CARD10: variants seen among roughly 807,000 people sequenced by gnomAD.
The protein encoded by CARD10 is caspase recruitment domain family member 10.
In CARD10, 49 loss-of-function variants were observed where a neutral mutation model predicts 114.6. The ratio of observed to expected loss-of-function variants is 0.43; its 90% CI spans 0.34 to 0.54. The LOEUF is 0.54. Ranked by LOEUF, CARD10 falls within the 20% of genes least tolerant of loss-of-function variation. The pLI, the probability that CARD10 is intolerant of heterozygous loss-of-function variation, is 0.03. For missense variants in CARD10, 1,206 were observed against 1,397.2 expected (o/e 0.86, Z 2.18); for synonymous variants, 602 against 593.2 (o/e 1.01, Z -0.21).
chr22:37,492,368 G>T lies in CARD10; in HGVS notation c.2751+67C>A. 3.3e-6 allele frequency: 4 copies of T among 1,227,406 alleles called. No individual in the cohort carries two copies. The highest frequency in any genetic ancestry group is 4.5e-6 in the Non-Finnish European group (4 of 885,874). 76.0% of individuals were successfully genotyped at this position (1,227,406 alleles called of 1,614,324 possible). On this transcript the variant is annotated intron_variant, in intron 18 of 19. Transcript: ENST00000251973. This position sits in a 1 kb window ranked among gnomAD's most constrained non-coding sequence, Gnocchi z 5.7. ...CCCGCGCTCAGACGCTGGCGCTCAAGCCCAGAACAGCAGCACCCGCTCTGG... is the reference window on the plus strand; with the variant it reads ...CCCGCGCTCAGACGCTGGCGCTCAATCCCAGAACAGCAGCACCCGCTCTGG...
At position 37,502,834 on chromosome 22, in the gene CARD10, G is replaced by A. The variant is rs567465072; in HGVS notation, c.1664-109C>T. The A allele has an allele frequency of 4.6e-6, 6 of 1,291,308 alleles. No individual in the cohort carries two copies. The African/African-American group carries it at 8.9e-5, about 19-fold the overall frequency. The allele number at this position is 1,291,308 out of a possible 1,614,324, so 80.0% of individuals were successfully genotyped here. On this transcript the variant is annotated intron_variant, in intron 10 of 19. Transcript: ENST00000251973. ...AGCCCAGAGAGGCCTTGGCAGGTTT[G>A]AGGCCCCAGGAGCACATCAGACCCA...
At chr22:37,511,228 G>A (rs569191780) in intron 3 of CARD10, among the ~76,000 whole-genome samples, 12 of 151,320 alleles carry the variant, frequency 7.9e-5, no homozygotes, top group East Asian at 3.9e-4. Flanking sequence ...GTGGTGGTGC[G>A]CGCCTATTAT....
At chr22:37,491,682 G>A in intron 19 of CARD10, 73 bp downstream of exon 19, 1 of 786,798 alleles carries the variant, frequency 1.3e-6, no homozygotes, top group Non-Finnish European at 2.2e-6. Flanking sequence ...GAGGGGGGAG[G>A]GAGAGAGGCA....
rs371707395 is a variant in CARD10 at position 37,496,428 on chromosome 22, C to T, written c.2059+21G>A. ...AGGACCCCTCTGGGGCCAACAGCTC[C>T]GACTCCCAAGCCAGACTTACCCTTC... On this transcript the variant is annotated intron_variant, in intron 13 of 19. Coordinates refer to ENST00000251973, the MANE Select transcript of CARD10 (RefSeq NM_014550.4). The surrounding 1 kb of genome is among the most constrained non-coding windows in gnomAD (Gnocchi z 4.1). The T allele has an allele frequency of 8.9e-6, 14 of 1,573,694 alleles. No individual in the cohort carries two copies. Among genetic ancestry groups the T allele is most frequent in the African/African-American group, 2.7e-5 (2 of 73,926 alleles).
chr22:37,496,121 G>A lies in CARD10; in HGVS notation c.2060-118C>T, dbSNP rs146654514. On this transcript the variant is annotated intron_variant, in intron 13 of 19. Coordinates refer to ENST00000251973, the MANE Select transcript of CARD10 (RefSeq NM_014550.4). The surrounding 1 kb of genome is among the most constrained non-coding windows in gnomAD (Gnocchi z 4.1). Reference sequence around the variant, plus strand: ...CTCGAGGCCTGAGTTCCCAGGACCCGACCTTCACCTTCTTAGAATGACTTA... The same window carrying A: ...CTCGAGGCCTGAGTTCCCAGGACCCAACCTTCACCTTCTTAGAATGACTTA... The A allele has an allele frequency of 2.4e-4, 315 of 1,293,606 alleles. 1 individual carries two copies. In the African/African-American group the frequency reaches 3.2e-3, roughly 13 times the overall value. The allele number at this position is 1,293,606 out of a possible 1,614,324, so 80.1% of individuals were successfully genotyped here. A position where few individuals can be genotyped will look rare whatever the true frequency, so the allele number is the denominator to read the frequency against.
At position 37,519,286 on chromosome 22, in the gene CARD10, G is replaced by T; in HGVS notation, c.-86C>A. ...GCTAGATGTGCGGCCAAGCACCCCC[G>T]GGGCGTCGTCCGCAGACCCGCCGTC... On this transcript the variant is annotated 5_prime_UTR_variant, in exon 1 of 20. Transcript: ENST00000251973. This position sits in a 1 kb window ranked among gnomAD's most constrained non-coding sequence, Gnocchi z 4.1. The T allele has an allele frequency of 1.5e-6, 2 of 1,364,528 alleles. No individual in the cohort carries two copies. Among genetic ancestry groups the T allele is most frequent in the East Asian group, 6.0e-5 (2 of 33,296 alleles). The allele number at this position is 1,364,528 out of a possible 1,614,324, so 84.5% of individuals were successfully genotyped here.
At chr22:37,511,424 A>AGGAGGAAGGG (rs1923643363) in intron 3 of CARD10, among the ~76,000 whole-genome samples, 2 of 80,452 alleles carry the variant, frequency 2.5e-5, no homozygotes, top group South Asian at 5.5e-4. Context: ...AGGAGGAGGG[A>AGGAGGAAGGG]GGGGGAAGAG....
intron 7 of CARD10, among the ~76,000 whole-genome samples, chr22:37,505,070 G>A (rs1465608041): frequency 6.6e-6 from 1 of 152,194 alleles, no homozygotes; most frequent in African/African-American, 2.4e-5. Context: ...CAAGGGTATA[G>A]AGGCGCTAAG....
intron 6 of CARD10, among the ~76,000 whole-genome samples, chr22:37,506,823 T>C (rs759017494): frequency 1.3e-5 from 2 of 152,168 alleles, no homozygotes; most frequent in Non-Finnish European, 2.9e-5. Context: ...GCTGGGCCCA[T>C]GGTCCAGACC....
intron 3 of CARD10, chr22:37,514,863 A>G (rs1041688201): frequency 3.3e-5 from 5 of 152,316 alleles, no homozygotes; most frequent in Non-Finnish European, 4.4e-5. Flanking sequence ...GTGGCAGTCA[A>G]ATACTGGTAT....
intron 11 of CARD10, among the ~76,000 whole-genome samples, chr22:37,498,536 C>A (rs1923090802): frequency 6.6e-6 from 1 of 152,170 alleles, no homozygotes; most frequent in African/African-American, 2.4e-5. Context: ...TGCACTGCCC[C>A]CTGCTGCCAG....
chr22:37,517,786 G>A (rs1031133229), intron 2 of CARD10, among the ~76,000 whole-genome samples, 185 bp downstream of exon 2: 5 of 152,146 alleles, frequency 3.3e-5, no homozygotes, highest in Admixed American at 1.3e-4. Flanking sequence ...TTGGAATAAC[G>A]GCACTAGCAC....
chr22:37,514,428 T>C (rs1321786716), intron 3 of CARD10, among the ~76,000 whole-genome samples: 1 of 152,036 alleles, frequency 6.6e-6, no homozygotes, highest in African/African-American at 2.4e-5. Context: ...TCCCTGCCCA[T>C]CACTCCTCAG....
At chr22:37,498,452 GC>G (rs1923087467) in intron 11 of CARD10, among the ~76,000 whole-genome samples, 1 of 152,242 alleles carries the variant, frequency 6.6e-6, no homozygotes. Context: ...ACCAAGGTCA[GC>G]AGGTGTGCTG....
chr22:37,512,445 T>G (rs1601818449), intron 3 of CARD10, among the ~76,000 whole-genome samples: 1 of 124,600 alleles, frequency 8.0e-6, no homozygotes, highest in African/African-American at 3.6e-5. Context: ...CCTTGAGAGG[T>G]TAGAATGGCA....
rs773124059 is a variant in CARD10, at chr22:37,504,655, C to T, written c.1498G>A (p.Gly500Arg). The change falls in exon 8 of 20, where the codon GGA (glycine) becomes AGA (arginine). Residue 500 changes from glycine to arginine, a missense_variant. Physicochemically the swap from Gly to Arg is moderately radical, Grantham distance 125. This residue lies in a region of CARD10 where 1,068 missense variants were observed against 1,179.1 expected (regional missense o/e 0.91). Transcript: ENST00000251973. ...EATGEAAVMG[G>R]PEPHNSEEAT... ...CTTACCGAGTTGTGAGGCTCAGGTC[C>T]CCCCATGACAGCTGCCTCCCCAGTT... 7.2e-6 allele frequency: 11 copies of T among 1,517,346 alleles called. No homozygotes were observed. Among genetic ancestry groups the T allele is most frequent in the Non-Finnish European group, 7.0e-6 (8 of 1,135,430 alleles). The allele number at this position is 1,517,346 out of a possible 1,614,324, so 94.0% of individuals were successfully genotyped here. A position where few individuals can be genotyped will look rare whatever the true frequency, so the allele number is the denominator to read the frequency against.
chr22:37,495,413 G>A, intron 15 of CARD10, 104 bp downstream of exon 15: 1 of 821,788 alleles, frequency 1.2e-6, no homozygotes, highest in South Asian at 1.6e-5. Flanking sequence ...CAGGGAAGGA[G>A]GGAGGGAGTG....
intron 11 of CARD10, 40 bp from the exon 12 acceptor site, chr22:37,497,218 A>G: frequency 6.3e-7 from 1 of 1,583,114 alleles, no homozygotes; most frequent in South Asian, 1.2e-5. Context: ...GAGTCCAATC[A>G]GTACTTGGAT....
In CARD10 at chr22:37,516,187, C is replaced by T. The variant is rs749981577; in HGVS notation, c.485G>A (p.Arg162Gln). 1.1e-5 allele frequency: 18 copies of T among 1,591,908 alleles called. No homozygotes were observed. The highest frequency in any genetic ancestry group is 3.5e-5 in the Admixed American group (2 of 57,190). Residue 162 changes from arginine (R) to glutamine (Q), a missense_variant, in exon 3 of 20, where the codon CGG becomes CAG. This residue lies in a region of CARD10 where 1,068 missense variants were observed against 1,179.1 expected (regional missense o/e 0.91). Transcript: ENST00000251973. The part of the protein sequence containing the change: ...QREQQLQARG[R>Q]VLEEERAGLE... ...CCCTGCCCGCTCCTCCTCGAGCACC[C>T]GGCCCCGGGCCTGCAGTTGCTGCTC... is the stretch of plus-strand genomic sequence containing the variant.
Sources: allele counts gnomAD v4.1 joint callset (sites outside exome capture counted in the v4.1 genomes callset), GRCh38; gene constraint gnomAD v4.1.1; regional missense constraint gnomAD v4.1.1; non-coding constraint Gnocchi (gnomAD v3.1); transcripts MANE v1.5; gene names NCBI Gene and HGNC (gene_info 2026-07-23, HGNC 2026-07-21).